The following GRM5 variants were observed in gnomAD, a reference collection of about 807,000 sequenced individuals.
The protein encoded by GRM5 is metabotropic glutamate receptor 5.
Under a neutral mutation model 83.1 loss-of-function variants are expected in GRM5, and 19 were observed. The observed-to-expected ratio is 0.23, with a 90% CI of 0.16 to 0.34. The LOEUF is 0.34. GRM5 is among the 10% of genes least tolerant of loss of function. The probability of loss-of-function intolerance (pLI) is 1.00; values close to 1 mark genes in which losing one functional copy is unlikely to be tolerated. For missense variants in GRM5, 1,160 were observed against 1,588.3 expected (o/e 0.73, Z 4.58); for synonymous variants, 675 against 633.6 (o/e 1.07, Z -0.98).
chr11:88,567,209 A>T lies in GRM5; in HGVS notation c.2474T>A (p.Ile825Asn). Reference sequence around the variant, plus strand: ...CACGTTTCTCTCTGGTTTGGCCAGGATGATGTACACCTTCGGCACAAACAT... The same window carrying T: ...CACGTTTCTCTCTGGTTTGGCCAGGTTGATGTACACCTTCGGCACAAACAT... ...GCMFVPKVYIILAKPERNVRS... is the reference protein window; with the variant it reads ...GCMFVPKVYINLAKPERNVRS... Residue 825 changes from isoleucine to asparagine, a missense_variant, in exon 8 of 10, where the codon ATC (isoleucine) becomes AAC (asparagine). By Grantham distance (149) the Ile-to-Asn change is moderately radical. This residue lies in a region of GRM5 where 66 missense variants were observed against 138.6 expected (regional missense o/e 0.48). Coordinates refer to ENST00000305447, the MANE Select transcript of GRM5 (RefSeq NM_001143831.3). This position sits in a 1 kb window ranked among gnomAD's most constrained non-coding sequence, Gnocchi z 7.3. 6.2e-7 allele frequency: 1 copy of T among 1,614,098 alleles called. No individual in the cohort carries two copies. The highest frequency in any genetic ancestry group is 8.5e-7 in the Non-Finnish European group (1 of 1,180,000).
In GRM5 at chr11:88,511,550, C is replaced by G. The variant is rs139687545; in HGVS notation, c.2727-2046G>C. 5.3e-3 allele frequency among the ~76,000 whole-genome samples: 806 copies of G among 152,274 alleles called. 2 individuals are homozygous for G. Among genetic ancestry groups the G allele is most frequent in the Non-Finnish European group, 9.1e-3 (621 of 68,032 alleles). ...TTGTAGTCTCATGTCCTTCAGAATC[C>G]TGGAATATGAGCTTCTTCCACCCCA... On this transcript the variant is annotated intron_variant, in intron 9 of 9. Coordinates refer to ENST00000305447, the MANE Select transcript of GRM5 (RefSeq NM_001143831.3).
intron 3 of GRM5, among the ~76,000 whole-genome samples, chr11:88,840,500 A>G (rs542895990): frequency 5.9e-5 from 9 of 152,068 alleles, no homozygotes; most frequent in Middle Eastern, 3.2e-3. Context: ...CATACCCATG[A>G]TCTCATGATT....
At chr11:88,742,038 G>A (rs1222290888) in intron 3 of GRM5, among the ~76,000 whole-genome samples, 1 of 151,842 alleles carries the variant, frequency 6.6e-6, no homozygotes, top group Non-Finnish European at 1.5e-5. Flanking sequence ...CAGCTGCGGT[G>A]AAGTGGAAGG....
At chr11:88,961,913 G>A (rs1324721343) in intron 2 of GRM5, among the ~76,000 whole-genome samples, 5 of 152,160 alleles carry the variant, frequency 3.3e-5, no homozygotes, top group Non-Finnish European at 7.3e-5. Context: ...TTCGATGATG[G>A]TAATGATGAC....
chr11:88,709,847 A>G (rs1301274285), intron 3 of GRM5, among the ~76,000 whole-genome samples: 2 of 152,120 alleles, frequency 1.3e-5, no homozygotes, highest in East Asian at 3.9e-4. Context: ...CATGCACTGA[A>G]CAAACAGAAT....
chr11:88,852,894 T>G (rs1016123487), intron 2 of GRM5, among the ~76,000 whole-genome samples: 2 of 151,736 alleles, frequency 1.3e-5, no homozygotes, highest in African/African-American at 4.8e-5. Flanking sequence ...TTTAAAATAA[T>G]GAAAAAATGC....
intron 2 of GRM5, among the ~76,000 whole-genome samples, chr11:89,025,043 G>A (rs922310586): frequency 6.6e-6 from 1 of 152,202 alleles, no homozygotes; most frequent in East Asian, 1.9e-4. Context: ...TGAAAATTAG[G>A]TGTGGTAAGA....
intron 6 of GRM5, among the ~76,000 whole-genome samples, chr11:88,595,425 G>T (rs554251232): frequency 6.6e-6 from 1 of 151,758 alleles, no homozygotes; most frequent in Admixed American, 6.6e-5. Context: ...CTACCCTCTA[G>T]TATGCTCTGT....
chr11:88,629,727 C>A (rs1273704864), intron 4 of GRM5, among the ~76,000 whole-genome samples: 1 of 152,178 alleles, frequency 6.6e-6, no homozygotes, highest in East Asian at 1.9e-4. Flanking sequence ...CCATGACTTA[C>A]TCTTTGACTC....
At chr11:89,050,707 T>A (rs182538867) in intron 1 of GRM5, among the ~76,000 whole-genome samples, 1 of 152,254 alleles carries the variant, frequency 6.6e-6, no homozygotes, top group Non-Finnish European at 1.5e-5. Context: ...AAAATCAACT[T>A]AAATGCCCAT....
At chr11:88,805,947 C>T (rs1443177527) in intron 3 of GRM5, among the ~76,000 whole-genome samples, 1 of 152,142 alleles carries the variant, frequency 6.6e-6, no homozygotes, top group South Asian at 2.1e-4. Context: ...AGCTTTGATA[C>T]TCTGCCCCAG....
chr11:88,642,759 G>C (rs1939329941), intron 4 of GRM5, among the ~76,000 whole-genome samples: 1 of 152,130 alleles, frequency 6.6e-6, no homozygotes, highest in East Asian at 1.9e-4. Flanking sequence ...TCTTTGCTAA[G>C]ACATGACAAG....
At chr11:88,639,467 G>A (rs1167927434) in intron 4 of GRM5, among the ~76,000 whole-genome samples, 1 of 151,946 alleles carries the variant, frequency 6.6e-6, no homozygotes, top group Non-Finnish European at 1.5e-5. Flanking sequence ...AATTTTGTCT[G>A]GTTTTGCTGC....
In GRM5 at chr11:88,564,434, A is replaced by G. The variant is rs570766268; in HGVS notation, c.2630+2619T>C. Reference sequence around the variant, plus strand: ...AATTAGAAACAAAACAGTTGAAAATATTTATTGAATGTTACTAGAGAAACT... The same window carrying G: ...AATTAGAAACAAAACAGTTGAAAATGTTTATTGAATGTTACTAGAGAAACT... On this transcript the variant is annotated intron_variant, in intron 8 of 9. Coordinates refer to ENST00000305447, the MANE Select transcript of GRM5 (RefSeq NM_001143831.3). 7.2e-5 allele frequency among the ~76,000 whole-genome samples: 11 copies of G among 152,330 alleles called. No homozygotes were observed. In the East Asian group the frequency reaches 1.2e-3, roughly 16 times the overall value.
chr11:89,053,694 A>G (rs994383545), intron 1 of GRM5, among the ~76,000 whole-genome samples: 4 of 143,704 alleles, frequency 2.8e-5, no homozygotes, highest in Non-Finnish European at 6.1e-5. Context: ...AAAAAAAAAA[A>G]ACAAAATGCA....
intron 8 of GRM5, among the ~76,000 whole-genome samples, chr11:88,544,178 T>G (rs1193461764): frequency 6.6e-6 from 1 of 152,162 alleles, no homozygotes; most frequent in Non-Finnish European, 1.5e-5. Flanking sequence ...TTCCCAGTCT[T>G]CAGAACTGAG....
intron 3 of GRM5, among the ~76,000 whole-genome samples, chr11:88,725,927 G>T (rs1423019176): frequency 6.6e-6 from 1 of 152,058 alleles, no homozygotes; most frequent in Non-Finnish European, 1.5e-5. Context: ...ACGAAGATGA[G>T]AAAAAAACAG....
chr11:88,909,969 T>G (rs761056315), intron 2 of GRM5, among the ~76,000 whole-genome samples: 8 of 152,050 alleles, frequency 5.3e-5, no homozygotes, highest in African/African-American at 1.4e-4. Flanking sequence ...AGGGTAAAAT[T>G]CAGTGGCATC....
intron 3 of GRM5, among the ~76,000 whole-genome samples, chr11:88,702,412 G>A (rs1353804): frequency 3.0e-4 from 46 of 151,898 alleles, no homozygotes; most frequent in Admixed American, 2.2e-3. Context: ...GTCCTGCTTC[G>A]CTCAGCTCTC....
Sources: allele counts gnomAD v4.1 joint callset (sites outside exome capture counted in the v4.1 genomes callset), GRCh38; gene constraint gnomAD v4.1.1; regional missense constraint gnomAD v4.1.1; non-coding constraint Gnocchi (gnomAD v3.1); transcripts MANE v1.5; gene names NCBI Gene and HGNC (gene_info 2026-07-23, HGNC 2026-07-21).